Variants in TBC1D32 observed in about 807,000 individuals in gnomAD.
TBC1D32 encodes the protein TBC1 domain family member 32.
Under a neutral mutation model 170.3 loss-of-function variants are expected in TBC1D32, and 151 were observed. The observed-to-expected ratio is 0.89, with a 90% CI of 0.78 to 1.01. The LOEUF (loss-of-function observed/expected upper bound fraction) is 1.01. Among genes scored for constraint, TBC1D32 ranks in the 50% least tolerant of loss-of-function variants. The probability of loss-of-function intolerance (pLI) is 0.00; values close to 1 mark genes in which losing one functional copy is unlikely to be tolerated. For synonymous variants in TBC1D32, 498 were observed against 488.0 expected (o/e 1.02, Z -0.27); for missense variants, 1,464 against 1,457.1 (o/e 1.00, Z -0.08).
intron 9 of TBC1D32, 61 bp from the exon 10 acceptor site, chr6:121,299,566 C>T (rs1337978463): frequency 1.1e-5 from 15 of 1,418,918 alleles, no homozygotes; most frequent in Admixed American, 2.4e-5. Flanking sequence ...TCTATTTTTC[C>T]TGCATGATTT....
intron 20 of TBC1D32, among the ~76,000 whole-genome samples, chr6:121,235,819 G>T (rs947911522): frequency 1.3e-5 from 2 of 152,198 alleles, no homozygotes; most frequent in African/African-American, 2.4e-5. Flanking sequence ...AACAGTTCAC[G>T]ATGTAAGTCT....
At chr6:121,129,788 A>G in intron 25 of TBC1D32, 1 of 357,194 alleles carries the variant, frequency 2.8e-6, no homozygotes, top group South Asian at 2.2e-5. Flanking sequence ...GAAGTCAAGG[A>G]AAATTAAGTT....
intron 10 of TBC1D32, 30 bp downstream of exon 10, chr6:121,299,416 C>A: frequency 6.8e-7 from 1 of 1,474,986 alleles, no homozygotes. Context: ...GATATTATTT[C>A]TCAACATAAA....
chr6:121,122,357 G>A (rs369112365), intron 26 of TBC1D32, among the ~76,000 whole-genome samples: 3 of 151,736 alleles, frequency 2.0e-5, no homozygotes, highest in East Asian at 1.9e-4. Context: ...TGCAAATTAG[G>A]ATGTCATGCC....
intron 22 of TBC1D32, among the ~76,000 whole-genome samples, chr6:121,194,191 T>C (rs1790428817): frequency 6.6e-6 from 1 of 152,142 alleles, no homozygotes. Flanking sequence ...GTGTGTCCAG[T>C]TGGTCCCCAG....
chr6:121,226,318 G>C (rs1795060984), intron 20 of TBC1D32, among the ~76,000 whole-genome samples: 1 of 152,008 alleles, frequency 6.6e-6, no homozygotes, highest in Non-Finnish European at 1.5e-5. Context: ...GCAATGGGGG[G>C]ATATAAGGAT....
At chr6:121,151,428 G>T (rs969496563) in intron 24 of TBC1D32, among the ~76,000 whole-genome samples, 1 of 152,132 alleles carries the variant, frequency 6.6e-6, no homozygotes, top group African/African-American at 2.4e-5. Context: ...TAATTATGTG[G>T]TTGATTTTAG....
intron 20 of TBC1D32, among the ~76,000 whole-genome samples, chr6:121,230,652 TATATAC>T (rs982462515): frequency 1.3e-5 from 2 of 150,832 alleles, no homozygotes; most frequent in African/African-American, 4.9e-5. Context: ...CTGATATATA[TATATAC>T]ATATATACAC....
intron 17 of TBC1D32, among the ~76,000 whole-genome samples, chr6:121,247,695 C>CAAAAAAAAAAAAAAAAAAAAAAAAAAA (rs34914027): frequency 4.3e-5 from 2 of 46,570 alleles, no homozygotes; most frequent in African/African-American, 1.0e-4. Context: ...GGCTTTAAAG[C>CAAAAAAAAAAAAAAAAAAAAAAAAAAA]AAAAAAAAAA....
chr6:121,201,937 G>A (rs1357810031), intron 22 of TBC1D32, among the ~76,000 whole-genome samples: 2 of 151,142 alleles, frequency 1.3e-5, no homozygotes, highest in African/African-American at 4.9e-5. Context: ...CAATTAAAGA[G>A]ACGGTTGGGT....
Position 121,085,676 on chromosome 6 carries a change from A to C in TBC1D32, c.3655-4786T>G, listed in dbSNP as rs186325971. 1.3e-4 allele frequency among the ~76,000 whole-genome samples: 20 copies of C among 152,178 alleles called. No individual in the cohort carries two copies. In the East Asian group the frequency reaches 3.1e-3, roughly 24 times the overall value. On this transcript the variant is annotated intron_variant, in intron 31 of 31. Transcript: ENST00000398212. ...TCTGATTTAACAGGTCTGGGAAGGAATCTAAATACATTAATTTTCATAAGT... is the reference window on the plus strand; with the variant it reads ...TCTGATTTAACAGGTCTGGGAAGGACTCTAAATACATTAATTTTCATAAGT...
chr6:121,275,308 T>C (rs1339756343), intron 15 of TBC1D32, among the ~76,000 whole-genome samples: 2 of 149,534 alleles, frequency 1.3e-5, no homozygotes, highest in East Asian at 1.9e-4. Flanking sequence ...CTGAAAGTAG[T>C]TGTCTCTAGA....
At chr6:121,247,058 A>C (rs1001400404) in intron 17 of TBC1D32, among the ~76,000 whole-genome samples, 3 of 152,128 alleles carry the variant, frequency 2.0e-5, no homozygotes, top group Non-Finnish European at 4.4e-5. Context: ...ACAGAATCTT[A>C]AGAGCTCTGA....
At chr6:121,124,453 A>C (rs764932494) in intron 26 of TBC1D32, among the ~76,000 whole-genome samples, 2 of 152,028 alleles carry the variant, frequency 1.3e-5, no homozygotes, top group Non-Finnish European at 2.9e-5. Flanking sequence ...TGTTTTCAGG[A>C]TCTTCTCTTT....
chr6:121,239,090 T>C lies in TBC1D32; in HGVS notation c.2344A>G (p.Ile782Val). The change falls in exon 20 of 32, where the codon ATT becomes GTT. Residue 782 changes from isoleucine to valine, a missense_variant. Transcript: ENST00000398212. Reference sequence around the variant, plus strand: ...CTTACCTTTTGACAGCTTCGGTCAATAGGATCCACTGGAGTAGTTCTGGGA... The same window carrying C: ...CTTACCTTTTGACAGCTTCGGTCAACAGGATCCACTGGAGTAGTTCTGGGA... ...THPRTTPVDP[I>V]DRSCQKSFLA... 1 of 1,593,238 alleles carries C rather than the reference T, an allele frequency of 6.3e-7. No individual in the cohort carries two copies. The highest frequency in any genetic ancestry group is 1.7e-5 in the Admixed American group (1 of 59,904).
At chr6:121,317,804 G>A (rs192564661) in intron 2 of TBC1D32, 132 bp from the exon 3 acceptor site, 313 of 542,784 alleles carry the variant, frequency 5.8e-4, no homozygotes, top group African/African-American at 4.1e-3. Context: ...GAGAAAAATC[G>A]AACTCAATTT....
chr6:121,101,338 A>G (rs1778032613), intron 30 of TBC1D32, among the ~76,000 whole-genome samples: 1 of 152,200 alleles, frequency 6.6e-6, no homozygotes, highest in Non-Finnish European at 1.5e-5. Flanking sequence ...AAAATCCTCA[A>G]TAAAATACTG....
At chr6:121,247,554 T>C (rs1006193633) in intron 17 of TBC1D32, among the ~76,000 whole-genome samples, 1 of 151,514 alleles carries the variant, frequency 6.6e-6, no homozygotes, top group Admixed American at 6.6e-5. Flanking sequence ...CAGCAAAATA[T>C]CTGCTGTCTT....
intron 22 of TBC1D32, among the ~76,000 whole-genome samples, chr6:121,198,987 A>C (rs1791192386): frequency 6.6e-6 from 1 of 151,502 alleles, no homozygotes; most frequent in African/African-American, 2.5e-5. Flanking sequence ...CAAAGACGCA[A>C]TAAATATTTT....
Sources: gnomAD v4.1 joint callset for allele counts (sites outside exome capture counted in the v4.1 genomes callset) on GRCh38, gnomAD v4.1.1 for gene constraint, MANE v1.5 for transcripts, NCBI Gene and HGNC (gene_info 2026-07-23, HGNC 2026-07-21) for gene names.